DGKI: variants seen among roughly 807,000 people sequenced by gnomAD.
The protein encoded by DGKI is diacylglycerol kinase iota, also known as DAG kinase iota.
Under a neutral mutation model 147.5 loss-of-function variants are expected in DGKI, and 55 were observed. The observed-to-expected ratio is 0.37, with a 90% CI of 0.30 to 0.47. DGKI has a LOEUF of 0.47. Among genes scored for constraint, DGKI ranks in the 20% least tolerant of loss-of-function variants. The pLI is 1.00. For synonymous variants in DGKI, 469 were observed against 477.1 expected (o/e 0.98, Z 0.22); for missense variants, 1,007 against 1,323.8 (o/e 0.76, Z 3.71).
chr7:137,638,461 TGTGTG>T (rs1821420487), intron 6 of DGKI, among the ~76,000 whole-genome samples: 1 of 44,892 alleles, frequency 2.2e-5, no homozygotes. Flanking sequence ...CACATATATA[TGTGTG>T]TATATATGTG....
chr7:137,789,687 A>G (rs997534197), intron 1 of DGKI, among the ~76,000 whole-genome samples: 1 of 152,232 alleles, frequency 6.6e-6, no homozygotes, highest in Non-Finnish European at 1.5e-5. Context: ...CACAATTTCC[A>G]AACTTGCCTG....
In DGKI at chr7:137,846,161, T is replaced by TCTCTCTCTCTCTCTCTCACA. The variant is rs781580130; in HGVS notation, c.401+300_401+301insTGTGAGAGAGAGAGAGAGAG. Among the ~76,000 whole-genome samples the TCTCTCTCTCTCTCTCTCACA allele has an allele frequency of 1.6e-4, 17 of 108,214 alleles. No homozygotes were observed. The highest frequency in any genetic ancestry group is 3.2e-4 in the Admixed American group (3 of 9,288). 71.0% of individuals were successfully genotyped at this position (108,214 alleles called of 152,430 possible). A position where few individuals can be genotyped will look rare whatever the true frequency, so the allele number is the denominator to read the frequency against. ...CTCTCTCTCTCTCTCTCTCTCTCTC[T>TCTCTCTCTCTCTCTCTCACA]CACACACACACACACACACACACAC... On this transcript the variant is annotated intron_variant, in intron 1 of 32. Coordinates refer to ENST00000614521, the MANE Select transcript of DGKI (RefSeq NM_001321708.2). This position sits in a 1 kb window ranked among gnomAD's most constrained non-coding sequence, Gnocchi z 4.0.
intron 28 of DGKI, among the ~76,000 whole-genome samples, chr7:137,421,036 A>C (rs754890487): frequency 3.3e-5 from 5 of 152,102 alleles, no homozygotes; most frequent in Admixed American, 6.5e-5. Context: ...AAGAAAAAGA[A>C]AAAGAAAAAA....
At chr7:137,636,835 C>T (rs1821328437) in intron 6 of DGKI, among the ~76,000 whole-genome samples, 1 of 152,166 alleles carries the variant, frequency 6.6e-6, no homozygotes, top group Non-Finnish European at 1.5e-5. Flanking sequence ...TTGGGTGACA[C>T]TGGCACCCCT....
chr7:137,566,073 C>T (rs1585237277), intron 19 of DGKI, among the ~76,000 whole-genome samples: 2 of 151,926 alleles, frequency 1.3e-5, no homozygotes, highest in South Asian at 4.1e-4. Flanking sequence ...TAGTGTATTC[C>T]ATGATTTTAA....
At chr7:137,510,413 G>C (rs540042813) in intron 21 of DGKI, among the ~76,000 whole-genome samples, 1 of 152,156 alleles carries the variant, frequency 6.6e-6, no homozygotes, top group Non-Finnish European at 1.5e-5. Flanking sequence ...ATGAATATTC[G>C]TAAAATTCTT....
At chr7:137,620,476 C>G (rs992475647) in intron 7 of DGKI, among the ~76,000 whole-genome samples, 4 of 152,088 alleles carry the variant, frequency 2.6e-5, no homozygotes, top group Admixed American at 1.3e-4. Flanking sequence ...CCCAGGTTGT[C>G]TTTCCGGTTT....
chr7:137,667,341 A>T (rs1822674606), intron 3 of DGKI, among the ~76,000 whole-genome samples: 1 of 152,138 alleles, frequency 6.6e-6, no homozygotes, highest in Admixed American at 6.5e-5. Flanking sequence ...GGCTAGACAT[A>T]TTACAGAAGT....
chr7:137,843,842 C>T (rs1203885635), intron 1 of DGKI, among the ~76,000 whole-genome samples: 3 of 150,996 alleles, frequency 2.0e-5, no homozygotes, highest in Admixed American at 2.0e-4. Context: ...AGTTTCATTC[C>T]AAAAATACAC....
intron 22 of DGKI, among the ~76,000 whole-genome samples, 180 bp from the exon 23 acceptor site, chr7:137,485,598 A>G (rs1815527343): frequency 6.6e-6 from 1 of 151,912 alleles, no homozygotes; most frequent in Admixed American, 6.6e-5. Context: ...ATAAAATCAA[A>G]CCAAGCTGGA....
intron 1 of DGKI, among the ~76,000 whole-genome samples, chr7:137,796,622 A>G (rs182238626): frequency 1.9e-3 from 292 of 152,364 alleles, no homozygotes; most frequent in Non-Finnish European, 3.2e-3. Context: ...AAATCATTTA[A>G]AAAAGAGCCA....
intron 20 of DGKI, among the ~76,000 whole-genome samples, chr7:137,537,754 C>G (rs1456960067): frequency 2.0e-5 from 3 of 152,170 alleles, no homozygotes; most frequent in Non-Finnish European, 4.4e-5. Context: ...TATTAGCCAC[C>G]AGCAGCTTAA....
At chr7:137,688,819 T>G (rs912126527) in intron 2 of DGKI, among the ~76,000 whole-genome samples, 1 of 152,320 alleles carries the variant, frequency 6.6e-6, no homozygotes, top group East Asian at 1.9e-4. Context: ...AGGAAAGGAA[T>G]ATTCTTTCTA....
chr7:137,462,311 GA>G (rs1814475948), intron 27 of DGKI, among the ~76,000 whole-genome samples: 1 of 152,100 alleles, frequency 6.6e-6, no homozygotes, highest in African/African-American at 2.4e-5. Context: ...GTATAAAAAG[GA>G]AATGGAAAAC....
intron 2 of DGKI, among the ~76,000 whole-genome samples, chr7:137,687,705 T>C (rs1381097628): frequency 6.6e-6 from 1 of 152,186 alleles, no homozygotes; most frequent in Non-Finnish European, 1.5e-5. Flanking sequence ...CACAAAGATG[T>C]TGGTTTTTTT....
intron 1 of DGKI, among the ~76,000 whole-genome samples, chr7:137,711,589 G>A (rs1377804156): frequency 2.0e-5 from 3 of 151,722 alleles, no homozygotes; most frequent in South Asian, 2.1e-4. Context: ...GAACAGAGGG[G>A]AAGAGCACAG....
chr7:137,581,293 C>T (rs951478516), intron 15 of DGKI, among the ~76,000 whole-genome samples: 1 of 152,118 alleles, frequency 6.6e-6, no homozygotes, highest in Non-Finnish European at 1.5e-5. Flanking sequence ...TCCCTAGTAC[C>T]TTCCTAATTA....
At chr7:137,601,356 T>C (rs117689512) in intron 10 of DGKI, among the ~76,000 whole-genome samples, 4,073 of 152,294 alleles carry the variant, frequency 0.027, 73 homozygotes, top group Non-Finnish European at 0.042. Flanking sequence ...GGATGCCCCA[T>C]TTTATCACCC....
At chr7:137,809,155 G>A (rs767526730) in intron 1 of DGKI, among the ~76,000 whole-genome samples, 2 of 152,202 alleles carry the variant, frequency 1.3e-5, no homozygotes, top group African/African-American at 4.8e-5. Flanking sequence ...CTAGGCAGTG[G>A]AGGCAAGAGA....
Sources: allele counts gnomAD v4.1 joint callset (sites outside exome capture counted in the v4.1 genomes callset), GRCh38; gene constraint gnomAD v4.1.1; non-coding constraint Gnocchi (gnomAD v3.1); transcripts MANE v1.5; gene names NCBI Gene and HGNC (gene_info 2026-07-23, HGNC 2026-07-21).